The following ZBBX variants were observed in gnomAD, a reference collection of about 807,000 sequenced individuals.
The protein encoded by ZBBX is zinc finger B-box domain containing, also known as zinc finger B-box domain-containing protein 1.
In ZBBX, 101 loss-of-function variants were observed where a neutral mutation model predicts 108.5. The observed-to-expected ratio is 0.93, with a 90% CI of 0.79 to 1.10. The LOEUF is 1.10. Among genes scored for constraint, ZBBX ranks in the 50% least tolerant of loss-of-function variants. The probability of loss-of-function intolerance (pLI) is 0.00; values close to 1 mark genes in which losing one functional copy is unlikely to be tolerated. For missense variants in ZBBX, 1,009 were observed against 941.4 expected, an observed-to-expected ratio of 1.07 and a Z score of -0.94; for synonymous variants, 356 against 323.4, an observed-to-expected ratio of 1.10 and a Z score of -1.08.
At chr3:167,268,781 G>T (rs1165513794) in intron 20 of ZBBX, among the ~76,000 whole-genome samples, 4 of 152,180 alleles carry the variant, frequency 2.6e-5, no homozygotes, top group Non-Finnish European at 4.4e-5. Context: ...ATAAGTATAT[G>T]TTAGAAGAGA....
chr3:167,212,311 C>T, the ZBBX span, among the ~76,000 whole-genome samples: 1 of 152,204 alleles, frequency 6.6e-6, no homozygotes, highest in Non-Finnish European at 1.5e-5. Flanking sequence ...TTCTTCCAGG[C>T]CTGGGCCTCC....
rs1425763623 is a variant in ZBBX, at chr3:167,359,864, A to G, written c.432+6T>C. The G allele has an allele frequency of 7.1e-7, 1 of 1,399,920 alleles. No homozygotes were observed. The highest frequency in any genetic ancestry group is 1.9e-5 in the Admixed American group (1 of 53,014). The allele number at this position is 1,399,920 out of a possible 1,614,324, so 86.7% of individuals were successfully genotyped here. On this transcript the variant is annotated splice_donor_region_variant and intron_variant, in intron 8 of 21. Coordinates refer to ENST00000675490, the MANE Select transcript of ZBBX (RefSeq NM_001199201.2). ...TATATGTATATATACTATATAACGTACATACCAGTAGAGCAGCTTTGTTCT... is the reference window on the plus strand; with the variant it reads ...TATATGTATATATACTATATAACGTGCATACCAGTAGAGCAGCTTTGTTCT...
chr3:167,382,786 T>C (rs1211100679), upstream of ZBBX, among the ~76,000 whole-genome samples: 1 of 152,156 alleles, frequency 6.6e-6, no homozygotes, highest in Non-Finnish European at 1.5e-5. Context: ...AGTCTCTGTG[T>C]AATGTTGTAT....
At chr3:167,334,106 T>C (rs1739138870) in intron 9 of ZBBX, 121 bp from the exon 10 acceptor site, 1 of 717,132 alleles carries the variant, frequency 1.4e-6, no homozygotes. Context: ...CAATTTAATA[T>C]TTAAAAAGAC....
At chr3:167,253,274 T>C (rs892471571) in intron 20 of ZBBX, among the ~76,000 whole-genome samples, 2 of 151,836 alleles carry the variant, frequency 1.3e-5, no homozygotes, top group Non-Finnish European at 2.9e-5. Context: ...AAATGAAGAA[T>C]AGGAAAGAGA....
At chr3:167,185,633 C>T in the ZBBX span, among the ~76,000 whole-genome samples, 1 of 152,052 alleles carries the variant, frequency 6.6e-6, no homozygotes, top group Non-Finnish European at 1.5e-5. Flanking sequence ...TTTGATAGCA[C>T]ATAAAAACAT....
the ZBBX span, among the ~76,000 whole-genome samples, chr3:167,226,889 G>A: frequency 4.6e-5 from 7 of 151,626 alleles, no homozygotes; most frequent in East Asian, 3.9e-4. Flanking sequence ...TTCCCTATGC[G>A]TAATAACTAA....
intron 20 of ZBBX, among the ~76,000 whole-genome samples, chr3:167,256,610 C>CCCACCCCACCCCACT (rs1190424004): frequency 6.9e-6 from 1 of 144,578 alleles, no homozygotes; most frequent in African/African-American, 2.6e-5. Flanking sequence ...CCCACCCCAC[C>CCCACCCCACCCCACT]CCACCCCACC....
chr3:167,290,072 A>G (rs1262421050), intron 18 of ZBBX, among the ~76,000 whole-genome samples: 4 of 152,192 alleles, frequency 2.6e-5, no homozygotes, highest in Non-Finnish European at 5.9e-5. Flanking sequence ...AGCCCCAGCC[A>G]CAGACTTATA....
the ZBBX span, among the ~76,000 whole-genome samples, chr3:167,209,442 T>A: frequency 2.0e-5 from 3 of 151,902 alleles, no homozygotes; most frequent in African/African-American, 7.3e-5. Context: ...AGAGGCTCTG[T>A]CTGGTAATCC....
chr3:167,391,845 T>A (rs1748091835), intron 1 of ZBBX, among the ~76,000 whole-genome samples: 1 of 151,840 alleles, frequency 6.6e-6, no homozygotes, highest in Non-Finnish European at 1.5e-5. Context: ...TGAAGATATA[T>A]TAGAATTTTA....
chr3:167,335,306 T>G (rs1739370365), intron 9 of ZBBX, among the ~76,000 whole-genome samples: 1 of 152,096 alleles, frequency 6.6e-6, no homozygotes, highest in Non-Finnish European at 1.5e-5. Flanking sequence ...GAAAAGGGAT[T>G]TAAAGAAAAA....
chr3:167,298,177 T>G (rs1576926798), intron 18 of ZBBX, 128 bp downstream of exon 18: 1 of 619,706 alleles, frequency 1.6e-6, no homozygotes, highest in African/African-American at 1.9e-5. Context: ...TGTAAATATA[T>G]GGCAACTAAT....
At chr3:167,186,228 A>C in the ZBBX span, among the ~76,000 whole-genome samples, 1 of 151,952 alleles carries the variant, frequency 6.6e-6, no homozygotes, top group Non-Finnish European at 1.5e-5. Context: ...TGATTACTTT[A>C]TTTCAAAAGG....
chr3:167,365,089 G>A (rs1469685378), intron 6 of ZBBX, among the ~76,000 whole-genome samples: 1 of 151,320 alleles, frequency 6.6e-6, no homozygotes, highest in Non-Finnish European at 1.5e-5. Flanking sequence ...TTTTTTAAAC[G>A]TTGGGGTCAA....
intron 20 of ZBBX, among the ~76,000 whole-genome samples, chr3:167,259,796 T>G (rs543443391): frequency 6.6e-6 from 1 of 152,326 alleles, no homozygotes; most frequent in African/African-American, 2.4e-5. Flanking sequence ...AGATTGCTTT[T>G]GGAGTTGATT....
chr3:167,263,428 A>G (rs4494929), intron 20 of ZBBX, among the ~76,000 whole-genome samples: 3,459 of 152,242 alleles, frequency 0.023, 67 homozygotes, highest in Non-Finnish European at 0.029. Flanking sequence ...TGGTATTTAC[A>G]TTATCATTTG....
intron 9 of ZBBX, among the ~76,000 whole-genome samples, chr3:167,334,505 C>T (rs955960518): frequency 4.6e-5 from 7 of 151,972 alleles, no homozygotes; most frequent in Admixed American, 3.3e-4. Context: ...ACCCAGGAGG[C>T]GGAGGTTGCA....
intron 1 of ZBBX, among the ~76,000 whole-genome samples, chr3:167,394,621 G>A (rs187166475): frequency 6.6e-6 from 1 of 151,774 alleles, no homozygotes; most frequent in Non-Finnish European, 1.5e-5. Flanking sequence ...GAGACAAAAG[G>A]TTACACGGCC....
Sources: allele counts gnomAD v4.1 joint callset (sites outside exome capture counted in the v4.1 genomes callset), GRCh38; gene constraint gnomAD v4.1.1; transcripts MANE v1.5; gene names NCBI Gene and HGNC (gene_info 2026-07-23, HGNC 2026-07-21).